Variants in JRK observed in about 807,000 individuals in gnomAD.
JRK encodes the protein jerky protein homolog.
For missense variants in JRK, 720 were observed against 509.2 expected, an observed-to-expected ratio of 1.41 and a Z score of -3.98; for synonymous variants, 303 against 218.1, an observed-to-expected ratio of 1.39 and a Z score of -3.43.
At position 142,663,631 on chromosome 8, in the gene JRK, A is replaced by C; in HGVS notation, c.*721T>G. The C allele has an allele frequency of 1.0e-6, 1 of 985,416 alleles. No individual in the cohort carries two copies. The highest frequency in any genetic ancestry group is 1.2e-6 in the Non-Finnish European group (1 of 829,924). The allele number at this position is 985,416 out of a possible 1,614,324, so 61.0% of individuals were successfully genotyped here. A position where few individuals can be genotyped will look rare whatever the true frequency, so the allele number is the denominator to read the frequency against. Reference sequence around the variant, plus strand: ...GAGCAGGGCCTGGTCAGCCACTCCTACTTTCTTCCCAGAAAGGAACTCTAC... The same window carrying C: ...GAGCAGGGCCTGGTCAGCCACTCCTCCTTTCTTCCCAGAAAGGAACTCTAC... On this transcript the variant is annotated 3_prime_UTR_variant, in exon 2 of 2. Coordinates refer to ENST00000612905, the MANE Select transcript of JRK (RefSeq NM_003724.4).
chr8:142,653,213 C>G (rs1418910582), downstream of JRK, among the ~76,000 whole-genome samples: 1 of 152,178 alleles, frequency 6.6e-6, no homozygotes, highest in Non-Finnish European at 1.5e-5. Context: ...AAGCCACCCT[C>G]GTAATACTAA....
chr8:142,661,371 C>T lies in JRK; in HGVS notation c.*2981G>A. 2.0e-6 allele frequency: 2 copies of T among 985,478 alleles called. No homozygotes were observed. The highest frequency in any genetic ancestry group is 2.4e-6 in the Non-Finnish European group (2 of 829,956). 61.0% of individuals were successfully genotyped at this position (985,478 alleles called of 1,614,324 possible). A position where few individuals can be genotyped will look rare whatever the true frequency, so the allele number is the denominator to read the frequency against. On this transcript the variant is annotated 3_prime_UTR_variant, in exon 2 of 2. Coordinates refer to ENST00000612905, the MANE Select transcript of JRK (RefSeq NM_003724.4). ...TGGGCATCCCGAGGGATGGGAGCTC[C>T]CAGAGTGGAGGCTGCCTGTCCCGAG...
Position 142,662,335 on chromosome 8 carries a change from G to T in JRK, c.*2017C>A. Reference sequence around the variant, plus strand: ...GCCCTCCCCAGCTCCACCCACCCAGGATGTCCTACTGTTTCAGAGCCCTCG... The same window carrying T: ...GCCCTCCCCAGCTCCACCCACCCAGTATGTCCTACTGTTTCAGAGCCCTCG... On this transcript the variant is annotated 3_prime_UTR_variant, in exon 2 of 2. Transcript: ENST00000612905. The T allele has an allele frequency of 1.0e-6, 1 of 985,638 alleles. No homozygotes were observed. Among genetic ancestry groups the T allele is most frequent in the Non-Finnish European group, 1.2e-6 (1 of 830,106 alleles). The allele number at this position is 985,638 out of a possible 1,614,324, so 61.1% of individuals were successfully genotyped here.
the JRK span, among the ~76,000 whole-genome samples, chr8:142,647,258 C>G: frequency 2.0e-5 from 3 of 151,918 alleles, no homozygotes; most frequent in South Asian, 4.1e-4. Flanking sequence ...TTACAGTGCA[C>G]TTAAAATTTT....
the JRK span, among the ~76,000 whole-genome samples, chr8:142,645,298 A>T: frequency 6.6e-6 from 1 of 152,224 alleles, no homozygotes; most frequent in Non-Finnish European, 1.5e-5. Context: ...TAATTTTAAA[A>T]AACATTAATC....
chr8:142,652,759 T>G (rs1426994843), downstream of JRK, among the ~76,000 whole-genome samples: 1 of 152,080 alleles, frequency 6.6e-6, no homozygotes, highest in Non-Finnish European at 1.5e-5. Flanking sequence ...CATAATCAAT[T>G]TACAGAACAA....
rs1039790105 is a variant in JRK at position 142,663,999 on chromosome 8, C to A, written c.*353G>T. The stretch of plus-strand genomic sequence containing the variant: ...ACGTGGACAGACTGACATCTCCACC[C>A]TCTGATACTGCAATGATCAGCCAGC... On this transcript the variant is annotated 3_prime_UTR_variant, in exon 2 of 2. Transcript: ENST00000612905. The A allele has an allele frequency of 2.8e-6, 3 of 1,073,260 alleles. No individual in the cohort carries two copies. The highest frequency in any genetic ancestry group is 8.8e-5 in the South Asian group (2 of 22,842). 66.5% of individuals were successfully genotyped at this position (1,073,260 alleles called of 1,614,324 possible). A position where few individuals can be genotyped will look rare whatever the true frequency, so the allele number is the denominator to read the frequency against.
chr8:142,652,878 C>A, downstream of JRK, among the ~76,000 whole-genome samples: 1 of 152,210 alleles, frequency 6.6e-6, no homozygotes, highest in Non-Finnish European at 1.5e-5. Flanking sequence ...AACGTCATTT[C>A]TAGGGTTCCA....
chr8:142,667,432 G>GACAC (rs59385009), intron 1 of JRK, among the ~76,000 whole-genome samples: 3,782 of 146,860 alleles, frequency 0.026, 119 homozygotes, highest in African/African-American at 0.077. Flanking sequence ...CGGACACGGA[G>GACAC]ACACACACAC....
intron 1 of JRK, among the ~76,000 whole-genome samples, chr8:142,668,899 C>A (rs1372458036): frequency 6.6e-6 from 1 of 151,610 alleles, no homozygotes; most frequent in Non-Finnish European, 1.5e-5. Context: ...GCATCCCAGT[C>A]CCCAGTCAGC....
At position 142,662,719 on chromosome 8, in the gene JRK, C is replaced by G. The variant is rs782433482; in HGVS notation, c.*1633G>C. The stretch of plus-strand genomic sequence containing the variant: ...GAAAGTACGAGAAACCACAGCGAGC[C>G]AAATCCTCTCCTTCATGAGAACAGA... On this transcript the variant is annotated 3_prime_UTR_variant, in exon 2 of 2. Transcript: ENST00000612905. 279 of 985,468 alleles carry G rather than the reference C, an allele frequency of 2.8e-4. No individual in the cohort carries two copies. The highest frequency in any genetic ancestry group is 4.9e-4 in the Admixed American group (8 of 16,286). The allele number at this position is 985,468 out of a possible 1,614,324, so 61.0% of individuals were successfully genotyped here.
At chr8:142,668,030 C>T (rs979439319) in intron 1 of JRK, among the ~76,000 whole-genome samples, 1 of 152,158 alleles carries the variant, frequency 6.6e-6, no homozygotes, top group African/African-American at 2.4e-5. Flanking sequence ...GCCCAAACAC[C>T]GGGCAGCTCA....
rs1846990975 is a variant in JRK at position 142,663,758 on chromosome 8, G to A, written c.*594C>T. The A allele has an allele frequency of 1.0e-6, 1 of 985,554 alleles. No individual in the cohort carries two copies. The highest frequency in any genetic ancestry group is 1.2e-6 in the Non-Finnish European group (1 of 830,002). The allele number at this position is 985,554 out of a possible 1,614,324, so 61.1% of individuals were successfully genotyped here. A position where few individuals can be genotyped will look rare whatever the true frequency, so the allele number is the denominator to read the frequency against. On this transcript the variant is annotated 3_prime_UTR_variant, in exon 2 of 2. Coordinates refer to ENST00000612905, the MANE Select transcript of JRK (RefSeq NM_003724.4). ...TGGTTCCAGAGTCATTCTGCTGAATGAGGCCACAACTGAAGTGAGATGTGC... is the reference window on the plus strand; with the variant it reads ...TGGTTCCAGAGTCATTCTGCTGAATAAGGCCACAACTGAAGTGAGATGTGC...
At chr8:142,669,840 CGCG>C (rs1847271007) in intron 1 of JRK, 89 bp downstream of exon 1, 1 of 151,734 alleles carries the variant, frequency 6.6e-6, no homozygotes, top group Admixed American at 6.6e-5. Context: ...GGCTCCCGCC[CGCG>C]CCGCCCGCGC....
chr8:142,658,415 G>A lies in JRK; in HGVS notation c.*5937C>T, dbSNP rs1846808200. 6.7e-6 allele frequency: 1 copy of A among 150,090 alleles called. No individual in the cohort carries two copies. Among genetic ancestry groups the A allele is most frequent in the Non-Finnish European group, 1.5e-5 (1 of 68,018 alleles). The allele number at this position is 150,090 out of a possible 1,614,324, so 9.3% of individuals were successfully genotyped here. On this transcript the variant is annotated 3_prime_UTR_variant, in exon 2 of 2. Coordinates refer to ENST00000612905, the MANE Select transcript of JRK (RefSeq NM_003724.4). Reference sequence around the variant, plus strand: ...CCTTTTTTTTTTTTTTTAGCAATAAGGTCTTATCATGCCTAGGCTGGTCTC... The same window carrying A: ...CCTTTTTTTTTTTTTTTAGCAATAAAGTCTTATCATGCCTAGGCTGGTCTC...
chr8:142,653,199 G>A (rs190916097), downstream of JRK, among the ~76,000 whole-genome samples: 22 of 152,292 alleles, frequency 1.4e-4, no homozygotes, highest in Non-Finnish European at 2.6e-4. Context: ...CCCTTCCCAC[G>A]ACTAAGCCAC....
chr8:142,654,221 T>C (rs1846711000), downstream of JRK, among the ~76,000 whole-genome samples: 1 of 152,106 alleles, frequency 6.6e-6, no homozygotes, highest in Admixed American at 6.5e-5. Flanking sequence ...GCCATTCTAG[T>C]GTACCCTGAC....
Position 142,660,946 on chromosome 8 carries a change from CAG to C in JRK, c.*3404_*3405del. On this transcript the variant is annotated 3_prime_UTR_variant, in exon 2 of 2. Coordinates refer to ENST00000612905, the MANE Select transcript of JRK (RefSeq NM_003724.4). The stretch of plus-strand genomic sequence containing the variant: ...ACAACTGATGACAGTCCTCCAACCC[CAG>C]CGAGCTGGGGAAGCCGTGGGCAGGG... The C allele has an allele frequency of 1.0e-6, 1 of 985,500 alleles. No individual in the cohort carries two copies. Among genetic ancestry groups the C allele is most frequent in the South Asian group, 4.7e-5 (1 of 21,292 alleles). The allele number at this position is 985,500 out of a possible 1,614,324, so 61.0% of individuals were successfully genotyped here.
Position 142,658,806 on chromosome 8 carries a change from GA to G in JRK, c.*5545del. 6.3e-7 allele frequency: 1 copy of G among 1,584,606 alleles called. No individual in the cohort carries two copies. ...CCATAACCTCAAGGGCACTGGTGGG[GA>G]CAGAGGGGTCTTACCCAGCACTGCC... On this transcript the variant is annotated 3_prime_UTR_variant, in exon 2 of 2. Coordinates refer to ENST00000612905, the MANE Select transcript of JRK (RefSeq NM_003724.4).
Sources: gnomAD v4.1 joint callset for allele counts (sites outside exome capture counted in the v4.1 genomes callset) on GRCh38, gnomAD v4.1.1 for gene constraint, MANE v1.5 for transcripts, NCBI Gene and HGNC (gene_info 2026-07-23, HGNC 2026-07-21) for gene names.